Variants in PDE8B observed in about 807,000 individuals in gnomAD.
PDE8B encodes high affinity cAMP-specific and IBMX-insensitive 3',5'-cyclic phosphodiesterase 8B.
A neutral mutation model predicts 101.3 loss-of-function variants in PDE8B; 26 were observed. The ratio of observed to expected loss-of-function variants is 0.26; its 90% CI spans 0.19 to 0.36. PDE8B has a LOEUF of 0.36. Among genes scored for constraint, PDE8B ranks in the 10% least tolerant of loss-of-function variants. PDE8B has a pLI of 1.00. For synonymous variants in PDE8B, 424 were observed against 429.3 expected (o/e 0.99, Z 0.15); for missense variants, 810 against 1,163.1 (o/e 0.70, Z 4.42).
chr5:77,248,301 G>T (rs1757375177), intron 1 of PDE8B, among the ~76,000 whole-genome samples: 1 of 152,212 alleles, frequency 6.6e-6, no homozygotes. Context: ...AATATGGGTG[G>T]AAGTCATAGC....
At chr5:77,274,402 C>G (rs537562799) in intron 1 of PDE8B, among the ~76,000 whole-genome samples, 1 of 152,174 alleles carries the variant, frequency 6.6e-6, no homozygotes, top group Admixed American at 6.5e-5. Flanking sequence ...TGCCTTCCTG[C>G]GGACCCATTC....
At chr5:77,134,504 C>A in the PDE8B span, 1 of 152,162 alleles carries the variant, frequency 6.6e-6, no homozygotes, top group African/African-American at 2.4e-5. Context: ...ACTATGGCTG[C>A]CACCAGGGCA....
chr5:77,291,122 A>G, intron 1 of PDE8B: 1 of 1,611,074 alleles, frequency 6.2e-7, no homozygotes, highest in Non-Finnish European at 8.5e-7. Flanking sequence ...ACCTCAGCTT[A>G]GTTGTTCCAT....
At chr5:77,217,594 G>A (rs1159898534) in intron 1 of PDE8B, among the ~76,000 whole-genome samples, 1 of 151,350 alleles carries the variant, frequency 6.6e-6, no homozygotes, top group Admixed American at 6.6e-5. Flanking sequence ...GGAGTGCAAT[G>A]GTGTGATCTC....
rs1798449496 is a variant in PDE8B, at chr5:77,428,005, CTA to C, written c.*1453_*1454del. 6.6e-6 allele frequency: 1 copy of C among 152,048 alleles called. No homozygotes were observed. The highest frequency in any genetic ancestry group is 1.5e-5 in the Non-Finnish European group (1 of 67,964). 9.4% of individuals were successfully genotyped at this position (152,048 alleles called of 1,614,324 possible). On this transcript the variant is annotated 3_prime_UTR_variant, in exon 22 of 22. Transcript: ENST00000264917. The stretch of plus-strand genomic sequence containing the variant: ...CTACATAATGTGCCAATGTTTTTTT[CTA>C]TGTTTTGTACCAAAAATGGAAAAAT...
chr5:77,213,620 G>C (rs1748984779), intron 1 of PDE8B, among the ~76,000 whole-genome samples: 1 of 152,142 alleles, frequency 6.6e-6, no homozygotes, highest in Non-Finnish European at 1.5e-5. Flanking sequence ...ACGTGGTGGT[G>C]CCCCACCCCT....
At chr5:77,257,618 A>G (rs913914469) in intron 1 of PDE8B, among the ~76,000 whole-genome samples, 3 of 152,178 alleles carry the variant, frequency 2.0e-5, no homozygotes, top group African/African-American at 7.2e-5. Context: ...ATAAACCAAC[A>G]TTTATAGCCA....
At chr5:77,230,093 A>G (rs928464161) in intron 1 of PDE8B, among the ~76,000 whole-genome samples, 18 of 152,154 alleles carry the variant, frequency 1.2e-4, no homozygotes, top group Non-Finnish European at 2.9e-5. Flanking sequence ...TTTCACCAAC[A>G]CTTGTTATTG....
At position 77,413,146 on chromosome 5, in the gene PDE8B, G is replaced by A. The variant is rs1474772342; in HGVS notation, c.1748G>A (p.Arg583Gln). ...TATCTGGGCTTAAAGGTCTTCTCTC[G>A]GTTTGGAGTATGTGAATTTTTAAAC... ...LVYLGLKVFS[R>Q]FGVCEFLNCS... The change falls in exon 17 of 22, where the codon CGG (arginine) becomes CAG (glutamine). Residue 583 changes from arginine (R) to glutamine (Q), a missense_variant. Physicochemically the swap from Arg to Gln is conservative, Grantham distance 43. This residue lies in a region of PDE8B where 325 missense variants were observed against 560.9 expected (regional missense o/e 0.58). Transcript: ENST00000264917. 1.9e-6 allele frequency: 3 copies of A among 1,613,990 alleles called. No individual in the cohort carries two copies. Among genetic ancestry groups the A allele is most frequent in the Non-Finnish European group, 8.5e-7 (1 of 1,179,988 alleles).
intron 1 of PDE8B, among the ~76,000 whole-genome samples, chr5:77,250,425 A>T (rs1757845803): frequency 6.6e-6 from 1 of 152,150 alleles, no homozygotes; most frequent in Admixed American, 6.5e-5. Flanking sequence ...CCTGGGGTAT[A>T]TGAGGACAAG....
At chr5:77,123,326 GC>G in the PDE8B span, among the ~76,000 whole-genome samples, 1 of 151,990 alleles carries the variant, frequency 6.6e-6, no homozygotes, top group African/African-American at 2.4e-5. Flanking sequence ...ATCCAAAGGT[GC>G]CGCCTCTCAA....
intron 11 of PDE8B, among the ~76,000 whole-genome samples, chr5:77,401,565 C>T (rs1219916712): frequency 6.6e-6 from 1 of 152,032 alleles, no homozygotes; most frequent in Non-Finnish European, 1.5e-5. Flanking sequence ...TGGGGATAGC[C>T]CTATGTAGTT....
the PDE8B span, among the ~76,000 whole-genome samples, chr5:77,095,409 C>T: frequency 6.6e-6 from 1 of 152,166 alleles, no homozygotes. Context: ...AGCCATGTTT[C>T]ATCTCCTGTT....
chr5:77,369,203 CAAAAAA>C (rs70988667), intron 10 of PDE8B, among the ~76,000 whole-genome samples: 9 of 79,026 alleles, frequency 1.1e-4, no homozygotes, highest in South Asian at 9.9e-4. Context: ...TCCACTGTCT[CAAAAAA>C]AAAAAAAAAA....
In PDE8B at chr5:77,211,200, G is replaced by GCCGGAGGCGCCACTGCTGCAGCAGCGC. The variant is rs777081976; in HGVS notation, c.277_303dup (p.Arg93_Ala101dup). ...GCCCCCGCCGCGACCACCAGCAGGG[G>GCCGGAGGCGCCACTGCTGCAGCAGCGC]CCGGAGGCGCCACTGCTGCAGCAGC... On this transcript the variant is annotated inframe_insertion, in exon 1 of 22. Transcript: ENST00000264917. This position sits in a 1 kb window ranked among gnomAD's most constrained non-coding sequence, Gnocchi z 4.1. 2 of 1,564,136 alleles carry GCCGGAGGCGCCACTGCTGCAGCAGCGC rather than the reference G, an allele frequency of 1.3e-6. No individual in the cohort carries two copies. Among genetic ancestry groups the GCCGGAGGCGCCACTGCTGCAGCAGCGC allele is most frequent in the African/African-American group, 2.7e-5 (2 of 73,642 alleles).
At chr5:77,176,078 C>CTA in the PDE8B span, among the ~76,000 whole-genome samples, 3 of 152,306 alleles carry the variant, frequency 2.0e-5, no homozygotes, top group Admixed American at 6.5e-5. Context: ...TCTTAGAAAA[C>CTA]TATTTTCTTC....
At chr5:77,214,671 A>G (rs1055698630) in intron 1 of PDE8B, among the ~76,000 whole-genome samples, 1 of 152,154 alleles carries the variant, frequency 6.6e-6, no homozygotes, top group South Asian at 2.1e-4. Context: ...ATGAGATTTT[A>G]TTTGGGGGAG....
At chr5:77,242,954 C>T (rs962139489) in intron 1 of PDE8B, among the ~76,000 whole-genome samples, 1 of 152,176 alleles carries the variant, frequency 6.6e-6, no homozygotes, top group Non-Finnish European at 1.5e-5. Flanking sequence ...GTGTGAGCCA[C>T]TGCGCCCGGC....
At chr5:77,287,650 C>G (rs1044819621) in intron 1 of PDE8B, among the ~76,000 whole-genome samples, 3 of 152,086 alleles carry the variant, frequency 2.0e-5, no homozygotes, top group African/African-American at 7.2e-5. Context: ...ATTTGCCATC[C>G]TTTTGTCTCC....
Sources: allele counts gnomAD v4.1 joint callset (sites outside exome capture counted in the v4.1 genomes callset), GRCh38; gene constraint gnomAD v4.1.1; regional missense constraint gnomAD v4.1.1; non-coding constraint Gnocchi (gnomAD v3.1); transcripts MANE v1.5; gene names NCBI Gene and HGNC (gene_info 2026-07-23, HGNC 2026-07-21).